Variants in CHRM2 observed in about 807,000 individuals in gnomAD.
CHRM2 encodes cholinergic receptor muscarinic 2, also known as muscarinic acetylcholine receptor M2.
Under a neutral mutation model 25.0 loss-of-function variants are expected in CHRM2, and 8 were observed. That is an observed-to-expected ratio of 0.32 (90% CI 0.19 to 0.58). The LOEUF is 0.58. CHRM2 is among the 20% of genes least tolerant of loss of function. CHRM2 has a pLI of 0.88. For synonymous variants in CHRM2, 202 were observed against 205.7 expected, an observed-to-expected ratio of 0.98 and a Z score of 0.15; for missense variants, 440 against 567.1, an observed-to-expected ratio of 0.78 and a Z score of 2.28.
intron 2 of CHRM2, among the ~76,000 whole-genome samples, chr7:136,926,006 G>A (rs1167090094): frequency 6.6e-6 from 1 of 152,278 alleles, no homozygotes; most frequent in East Asian, 1.9e-4. Context: ...GGAGGCCGAG[G>A]TGGGCAGATT....
At chr7:136,969,794 C>G (rs780721885) in intron 2 of CHRM2, among the ~76,000 whole-genome samples, 12 of 152,154 alleles carry the variant, frequency 7.9e-5, no homozygotes, top group Non-Finnish European at 1.8e-4. Flanking sequence ...ATTATTGTTT[C>G]AAAACCAATA....
chr7:136,906,008 A>T (rs1362161372), intron 2 of CHRM2, among the ~76,000 whole-genome samples: 1 of 151,030 alleles, frequency 6.6e-6, no homozygotes, highest in Admixed American at 6.6e-5. Context: ...ATCTTTGGTA[A>T]TATTATGTAG....
At chr7:137,011,667 T>C (rs1804836082) in intron 3 of CHRM2, among the ~76,000 whole-genome samples, 3 of 152,066 alleles carry the variant, frequency 2.0e-5, no homozygotes, top group Admixed American at 2.0e-4. Flanking sequence ...ATCAGGTTTC[T>C]AGGTATTCCT....
Position 136,912,122 on chromosome 7 carries a change from AT to A in CHRM2, c.-125+42712del, listed in dbSNP as rs879773881. On this transcript the variant is annotated intron_variant, in intron 2 of 3. Coordinates refer to ENST00000680005, the MANE Select transcript of CHRM2 (RefSeq NM_001006630.2). ...CTTCATATGGTTGTCTTTTTATAGG[AT>A]TTTTTTTAATATCATAAAGATAATT... 1.7e-4 allele frequency among the ~76,000 whole-genome samples: 26 copies of A among 151,634 alleles called. 1 individual carries two copies. The highest frequency in any genetic ancestry group is 3.6e-4 in the African/African-American group (15 of 41,306).
chr7:136,891,482 A>C (rs1157075341), intron 2 of CHRM2, among the ~76,000 whole-genome samples: 1 of 152,212 alleles, frequency 6.6e-6, no homozygotes, highest in Non-Finnish European at 1.5e-5. Flanking sequence ...TCAAAAGTAC[A>C]TGCTATCAAC....
At chr7:136,898,471 T>C (rs1283331491) in intron 2 of CHRM2, among the ~76,000 whole-genome samples, 1 of 151,814 alleles carries the variant, frequency 6.6e-6, no homozygotes, top group Non-Finnish European at 1.5e-5. Context: ...AGACTGTGAA[T>C]TGACTATTCA....
Position 136,966,724 on chromosome 7 carries a change from T to A in CHRM2, c.-124-25463T>A, listed in dbSNP as rs191490783. ...TAAGTATAACTTGCCTTTTTTTTTT[T>A]ACATAGTACTATATATATCCCAGGA... On this transcript the variant is annotated intron_variant, in intron 2 of 3. Coordinates refer to ENST00000680005, the MANE Select transcript of CHRM2 (RefSeq NM_001006630.2). 5.9e-4 allele frequency among the ~76,000 whole-genome samples: 89 copies of A among 151,942 alleles called. 1 individual carries two copies. In the East Asian group the frequency reaches 0.015, roughly 25 times the overall value.
chr7:136,957,608 G>A lies in CHRM2; in HGVS notation c.-124-34579G>A, dbSNP rs370596752. Among the ~76,000 whole-genome samples, 94 of 152,270 alleles carry A rather than the reference G, an allele frequency of 6.2e-4. 2 individuals are homozygous for A. In the South Asian group the frequency reaches 0.019, roughly 31 times the overall value. Reference sequence around the variant, plus strand: ...GATCTCTGACAAACAGAGTATTTATGGGATGACATGTATCTGAAAAAGCCA... The same window carrying A: ...GATCTCTGACAAACAGAGTATTTATAGGATGACATGTATCTGAAAAAGCCA... On this transcript the variant is annotated intron_variant, in intron 2 of 3. Coordinates refer to ENST00000680005, the MANE Select transcript of CHRM2 (RefSeq NM_001006630.2).
intron 2 of CHRM2, among the ~76,000 whole-genome samples, chr7:136,909,245 AGAT>A (rs1797714967): frequency 6.6e-6 from 1 of 152,008 alleles, no homozygotes; most frequent in South Asian, 2.1e-4. Context: ...AAAAAGGAGA[AGAT>A]AATACATGTA....
At chr7:136,871,527 G>T (rs1795839648) in intron 2 of CHRM2, 1 of 152,772 alleles carries the variant, frequency 6.5e-6, no homozygotes, top group African/African-American at 2.4e-5. Flanking sequence ...AGGAACTCGG[G>T]ATTGTGCGGC....
Position 136,979,346 on chromosome 7 carries a change from T to C in CHRM2, c.-124-12841T>C, listed in dbSNP as rs957657280. ...GTTCCTTAGAGATTCTGGATATTAG[T>C]GCTTTGTCAGATGGATAGATTGCAA... On this transcript the variant is annotated intron_variant, in intron 2 of 3. Transcript: ENST00000680005. Among the ~76,000 whole-genome samples, 24 of 152,184 alleles carry C rather than the reference T, an allele frequency of 1.6e-4. 1 individual carries two copies. The highest frequency in any genetic ancestry group is 5.5e-4 in the African/African-American group (23 of 41,454).
chr7:136,982,764 T>C (rs867220866), intron 2 of CHRM2, among the ~76,000 whole-genome samples: 1 of 152,340 alleles, frequency 6.6e-6, no homozygotes, highest in African/African-American at 2.4e-5. Context: ...ATATTGAATA[T>C]TGGCCCCCAC....
intron 2 of CHRM2, among the ~76,000 whole-genome samples, chr7:136,972,684 G>A (rs1801853042): frequency 6.6e-6 from 1 of 152,244 alleles, no homozygotes; most frequent in African/African-American, 2.4e-5. Flanking sequence ...GGTCATGGCA[G>A]TGGTAAGTAA....
rs922994837 is a variant in CHRM2 at position 137,016,683 on chromosome 7, G to A, written c.*417G>A. On this transcript the variant is annotated 3_prime_UTR_variant, in exon 4 of 4. Coordinates refer to ENST00000680005, the MANE Select transcript of CHRM2 (RefSeq NM_001006630.2). The stretch of plus-strand genomic sequence containing the variant: ...ATGCCACAGTTACAAGGTAAACATG[G>A]AGACTTAAACATAAAGAAATAGGCA... 2.0e-5 allele frequency: 4 copies of A among 203,672 alleles called. No homozygotes were observed. The highest frequency in any genetic ancestry group is 4.4e-5 in the Non-Finnish European group (4 of 90,538). 12.6% of individuals were successfully genotyped at this position (203,672 alleles called of 1,614,324 possible). A position where few individuals can be genotyped will look rare whatever the true frequency, so the allele number is the denominator to read the frequency against.
intron 2 of CHRM2, among the ~76,000 whole-genome samples, chr7:136,978,614 C>T (rs946993605): frequency 6.6e-6 from 1 of 152,102 alleles, no homozygotes; most frequent in Non-Finnish European, 1.5e-5. Context: ...CCCACACCCC[C>T]CGACAGGCCC....
chr7:136,987,521 C>T (rs980408338), intron 2 of CHRM2, among the ~76,000 whole-genome samples: 4 of 152,218 alleles, frequency 2.6e-5, no homozygotes, highest in Admixed American at 1.3e-4. Flanking sequence ...CTTAACATCA[C>T]GTATTGTACA....
intron 2 of CHRM2, among the ~76,000 whole-genome samples, chr7:136,924,624 A>T (rs544266444): frequency 6.6e-6 from 1 of 152,226 alleles, no homozygotes; most frequent in African/African-American, 2.4e-5. Flanking sequence ...AGTAAATGTA[A>T]AATCACAGAT....
chr7:136,931,632 T>C (rs1296623436), intron 2 of CHRM2, among the ~76,000 whole-genome samples: 1 of 152,200 alleles, frequency 6.6e-6, no homozygotes, highest in Non-Finnish European at 1.5e-5. Flanking sequence ...TGAACTGTTA[T>C]CTCTGTGATG....
At chr7:136,938,840 G>T (rs971158225) in intron 2 of CHRM2, among the ~76,000 whole-genome samples, 13 of 141,612 alleles carry the variant, frequency 9.2e-5, no homozygotes, top group Non-Finnish European at 1.5e-4. Context: ...ACTACCTGGG[G>T]ACCCCCCTTG....
Sources: allele counts gnomAD v4.1 joint callset (sites outside exome capture counted in the v4.1 genomes callset), GRCh38; gene constraint gnomAD v4.1.1; transcripts MANE v1.5; gene names NCBI Gene and HGNC (gene_info 2026-07-23, HGNC 2026-07-21).